The following PTPRG variants were observed in gnomAD, a reference collection of about 807,000 sequenced individuals.
PTPRG encodes receptor-type tyrosine-protein phosphatase gamma.
PTPRG carries 102 observed loss-of-function variants against 165.3 expected under a neutral mutation model. The ratio of observed to expected loss-of-function variants is 0.62; its 90% CI spans 0.53 to 0.73. PTPRG has a LOEUF of 0.73. Ranked by LOEUF, PTPRG falls within the 30% of genes least tolerant of loss-of-function variation. The pLI is 0.00. For missense variants in PTPRG, 1,866 were observed against 1,861.4 expected, an observed-to-expected ratio of 1.00 and a Z score of -0.05; for synonymous variants, 675 against 669.5, an observed-to-expected ratio of 1.01 and a Z score of -0.13.
intron 4 of PTPRG, among the ~76,000 whole-genome samples, chr3:62,076,689 C>T (rs1472260052): frequency 6.6e-6 from 1 of 151,740 alleles, no homozygotes; most frequent in Non-Finnish European, 1.5e-5. Flanking sequence ...TCAAGTGATT[C>T]TCCTGCCTCA....
rs148341313 is a variant in PTPRG at position 62,231,146 on chromosome 3, G to A, written c.2289-79G>A. Reference sequence around the variant, plus strand: ...TGTCTGTGTTAGATGGGAGGGGAGGGCATTTGTATGCAACTCTTGGTGGCC... The same window carrying A: ...TGTCTGTGTTAGATGGGAGGGGAGGACATTTGTATGCAACTCTTGGTGGCC... On this transcript the variant is annotated intron_variant, in intron 13 of 29. Transcript: ENST00000474889. 857 of 1,081,468 alleles carry A rather than the reference G, an allele frequency of 7.9e-4. 3 individuals are homozygous for A. In the African/African-American group the frequency reaches 0.011, roughly 13 times the overall value. 67.0% of individuals were successfully genotyped at this position (1,081,468 alleles called of 1,614,324 possible).
rs559917459 is a variant in PTPRG, at chr3:62,203,423, C to T, written c.1628C>T (p.Ser543Leu). ...CCCACGCGCCTCCCGACGGCCGCCT[C>T]AGCCAGCAAGCAGGCGGCTAGGCCA... ...VWPTRLPTAA[S>L]ASKQAARPVL... Residue 543 changes from serine (S) to leucine (L), a missense_variant, in exon 12 of 30, where the codon TCA becomes TTA. Physicochemically the swap from Ser to Leu is moderately radical, Grantham distance 145. Transcript: ENST00000474889. The surrounding 1 kb of genome is among the most constrained non-coding windows in gnomAD (Gnocchi z 6.4). The T allele has an allele frequency of 1.1e-5, 18 of 1,608,630 alleles. No homozygotes were observed. The highest frequency in any genetic ancestry group is 1.3e-5 in the African/African-American group (1 of 74,938).
chr3:62,139,178 C>T (rs916046226), intron 6 of PTPRG, among the ~76,000 whole-genome samples: 2 of 152,124 alleles, frequency 1.3e-5, no homozygotes, highest in African/African-American at 4.8e-5. Context: ...GAAATTGCCA[C>T]AGACAGCTGG....
At position 61,584,652 on chromosome 3, in the gene PTPRG, T is replaced by C. The variant is rs1035237400; in HGVS notation, c.85+22280T>C. ...TCATTGTACGAGTTTGCTTATGTTA[T>C]CCCGCTTTGATCTAAGGCCTTGTTA... On this transcript the variant is annotated intron_variant, in intron 1 of 29. Transcript: ENST00000474889. Among the ~76,000 whole-genome samples the C allele has an allele frequency of 7.0e-4, 106 of 151,988 alleles. 7 individuals carry two copies. Among genetic ancestry groups the C allele is most frequent in the Non-Finnish European group, 2.9e-5 (2 of 68,002 alleles).
chr3:62,083,658 CA>C (rs1217384499), intron 5 of PTPRG, among the ~76,000 whole-genome samples: 1 of 152,122 alleles, frequency 6.6e-6, no homozygotes, highest in African/African-American at 2.4e-5. Context: ...AAAGAGTACC[CA>C]ATACTTACAA....
intron 1 of PTPRG, among the ~76,000 whole-genome samples, chr3:61,586,339 T>C (rs1700433924): frequency 6.6e-6 from 1 of 152,210 alleles, no homozygotes. Flanking sequence ...ATGGAGGCAC[T>C]GGGGACCCAA....
At chr3:61,587,611 C>G (rs903032659) in intron 1 of PTPRG, among the ~76,000 whole-genome samples, 1 of 152,042 alleles carries the variant, frequency 6.6e-6, no homozygotes, top group African/African-American at 2.4e-5. Flanking sequence ...CCACTAATGT[C>G]TTTTATTTAA....
intron 4 of PTPRG, among the ~76,000 whole-genome samples, chr3:62,055,528 C>T (rs1199633153): frequency 6.6e-6 from 1 of 152,170 alleles, no homozygotes; most frequent in Admixed American, 6.5e-5. Context: ...GTGAAGTTCC[C>T]TGTATTTATT....
At chr3:61,621,049 A>ATGTGTGTGTGTGTGTGTGTGTGTG (rs759319362) in intron 1 of PTPRG, among the ~76,000 whole-genome samples, 1 of 104,218 alleles carries the variant, frequency 9.6e-6, no homozygotes, top group African/African-American at 3.4e-5. Context: ...ATATATATAT[A>ATGTGTGTGTGTGTGTGTGTGTGTG]TATGTGTGTG....
At chr3:61,833,636 C>G (rs187617074) in intron 2 of PTPRG, among the ~76,000 whole-genome samples, 1 of 150,260 alleles carries the variant, frequency 6.7e-6, no homozygotes, top group Non-Finnish European at 1.5e-5. Flanking sequence ...GATCTCGGCT[C>G]GCTGCAACCT....
At chr3:61,879,412 CA>C (rs1187552349) in intron 2 of PTPRG, among the ~76,000 whole-genome samples, 1 of 152,054 alleles carries the variant, frequency 6.6e-6, no homozygotes, top group Admixed American at 6.6e-5. Context: ...CTGTAGTTTT[CA>C]GTGTATAATT....
intron 5 of PTPRG, among the ~76,000 whole-genome samples, chr3:62,086,394 T>A (rs982008488): frequency 2.6e-5 from 4 of 152,000 alleles, no homozygotes; most frequent in Admixed American, 6.5e-5. Context: ...ATTCCCACCC[T>A]AACCCCAGAC....
At chr3:62,209,081 A>C (rs1159098519) in intron 12 of PTPRG, among the ~76,000 whole-genome samples, 1 of 152,244 alleles carries the variant, frequency 6.6e-6, no homozygotes, top group African/African-American at 2.4e-5. Flanking sequence ...TTTCAGATGC[A>C]GTATTAATTA....
chr3:61,730,224 T>C (rs1189117600), intron 1 of PTPRG, among the ~76,000 whole-genome samples: 1 of 151,688 alleles, frequency 6.6e-6, no homozygotes. Flanking sequence ...CCACCAACTG[T>C]TGCAGCTACA....
intron 1 of PTPRG, among the ~76,000 whole-genome samples, chr3:61,579,208 C>A (rs964662693): frequency 2.6e-5 from 4 of 152,340 alleles, no homozygotes; most frequent in African/African-American, 9.6e-5. Flanking sequence ...TTATCTCTTG[C>A]TACGTTATCA....
chr3:61,849,015 T>C (rs1439764907), intron 2 of PTPRG, among the ~76,000 whole-genome samples: 1 of 152,224 alleles, frequency 6.6e-6, no homozygotes, highest in Non-Finnish European at 1.5e-5. Context: ...CATTAAACAT[T>C]GTTCAAACCT....
intron 2 of PTPRG, among the ~76,000 whole-genome samples, chr3:61,759,794 T>G (rs765490851): frequency 4.6e-5 from 7 of 151,860 alleles, no homozygotes; most frequent in Admixed American, 2.6e-4. Flanking sequence ...TCATTTCTTC[T>G]TGAGGTTTTT....
chr3:61,793,505 C>T (rs2034953711), intron 2 of PTPRG, among the ~76,000 whole-genome samples: 1 of 152,148 alleles, frequency 6.6e-6, no homozygotes, highest in African/African-American at 2.4e-5. Flanking sequence ...ATACCTGAAC[C>T]AGCTGTATCT....
At chr3:61,797,302 A>C (rs2035078361) in intron 2 of PTPRG, among the ~76,000 whole-genome samples, 1 of 152,136 alleles carries the variant, frequency 6.6e-6, no homozygotes, top group Non-Finnish European at 1.5e-5. Context: ...TAATGTTTGA[A>C]AATTGTTGGA....
Sources: allele counts gnomAD v4.1 joint callset (sites outside exome capture counted in the v4.1 genomes callset), GRCh38; gene constraint gnomAD v4.1.1; non-coding constraint Gnocchi (gnomAD v3.1); transcripts MANE v1.5; gene names NCBI Gene and HGNC (gene_info 2026-07-23, HGNC 2026-07-21).